Variants in EPB41L2 observed in about 807,000 individuals in gnomAD.
The protein encoded by EPB41L2 is band 4.1-like protein 2.
In EPB41L2, 43 loss-of-function variants were observed where a neutral mutation model predicts 113.0. The observed-to-expected ratio is 0.38, with a 90% CI of 0.30 to 0.49. The LOEUF is 0.49. Ranked by LOEUF, EPB41L2 falls within the 20% of genes least tolerant of loss-of-function variation. The pLI, the probability that EPB41L2 is intolerant of heterozygous loss-of-function variation, is 0.95. For synonymous variants in EPB41L2, 442 were observed against 436.7 expected, an observed-to-expected ratio of 1.01 and a Z score of -0.15; for missense variants, 1,147 against 1,223.4, an observed-to-expected ratio of 0.94 and a Z score of 0.93.
At chr6:130,974,712 C>CTTTTTTT (rs965804095) in intron 1 of EPB41L2, among the ~76,000 whole-genome samples, 3 of 70,110 alleles carry the variant, frequency 4.3e-5, no homozygotes, top group East Asian at 3.5e-4. Flanking sequence ...TTTTTCTTTT[C>CTTTTTTT]TTTTCTTTTT....
At chr6:131,023,723 GTGTGTGTA>G (rs1303724914) in intron 1 of EPB41L2, among the ~76,000 whole-genome samples, 8 of 131,198 alleles carry the variant, frequency 6.1e-5, no homozygotes, top group Non-Finnish European at 1.1e-4. Flanking sequence ...GCGTGTGTGT[GTGTGTGTA>G]TATATATCTA....
chr6:130,903,636 A>G (rs2128501118), intron 6 of EPB41L2, among the ~76,000 whole-genome samples: 1 of 152,036 alleles, frequency 6.6e-6, no homozygotes, highest in South Asian at 2.1e-4. Flanking sequence ...TTGACCATGT[A>G]AGTAACCTTT....
At chr6:130,892,403 C>CTTTTTTTTTTTTTTTT (rs60350565) in intron 10 of EPB41L2, among the ~76,000 whole-genome samples, 4,395 of 91,358 alleles carry the variant, frequency 0.048, 559 homozygotes, top group Non-Finnish European at 0.079. Flanking sequence ...CAGATTATTG[C>CTTTTTTTTTTTTTTTT]TTTTTTTTTT....
chr6:130,872,455 G>A (rs1362129345), intron 14 of EPB41L2: 2 of 1,289,338 alleles, frequency 1.6e-6, no homozygotes, highest in Admixed American at 4.6e-5. Flanking sequence ...CTGTCCAAGT[G>A]GTGGCTGAAG....
chr6:131,030,882 G>T (rs1792013443), intron 1 of EPB41L2, among the ~76,000 whole-genome samples: 1 of 150,594 alleles, frequency 6.6e-6, no homozygotes, highest in Non-Finnish European at 1.5e-5. Flanking sequence ...TCGAGGACCA[G>T]CCCGAGCAAC....
At chr6:130,894,880 A>G in intron 9 of EPB41L2, 87 bp downstream of exon 9, 2 of 1,335,562 alleles carry the variant, frequency 1.5e-6, no homozygotes, top group South Asian at 1.7e-5. Flanking sequence ...TTTTCTTAAA[A>G]TTTTAGAATT....
intron 3 of EPB41L2, among the ~76,000 whole-genome samples, chr6:130,945,145 C>T (rs1241799231): frequency 6.6e-6 from 1 of 151,992 alleles, no homozygotes; most frequent in African/African-American, 2.4e-5. Flanking sequence ...TTATAGAGTG[C>T]CATAACTTCC....
At chr6:130,862,948 T>C (rs1202715143) in intron 18 of EPB41L2, among the ~76,000 whole-genome samples, 2 of 152,220 alleles carry the variant, frequency 1.3e-5, no homozygotes, top group African/African-American at 2.4e-5. Flanking sequence ...TGGTCTCCTT[T>C]AAAGCTGAGT....
intron 3 of EPB41L2, among the ~76,000 whole-genome samples, chr6:130,953,886 G>A (rs1325841966): frequency 4.6e-5 from 7 of 151,924 alleles, no homozygotes; most frequent in Non-Finnish European, 7.4e-5. Flanking sequence ...AAATTTTCTG[G>A]TGCCTTGATC....
chr6:131,028,510 T>C (rs1376138321), intron 1 of EPB41L2, among the ~76,000 whole-genome samples: 1 of 152,222 alleles, frequency 6.6e-6, no homozygotes, highest in Non-Finnish European at 1.5e-5. Context: ...ATTACATATA[T>C]GATAAATCAT....
chr6:130,921,999 T>C (rs1803024461), intron 4 of EPB41L2, among the ~76,000 whole-genome samples: 1 of 152,362 alleles, frequency 6.6e-6, no homozygotes, highest in South Asian at 2.1e-4. Context: ...AATGGCACTA[T>C]TTTTTAACTG....
intron 1 of EPB41L2, among the ~76,000 whole-genome samples, chr6:131,042,095 T>C (rs959513837): frequency 2.0e-5 from 3 of 151,946 alleles, no homozygotes; most frequent in Non-Finnish European, 4.4e-5. Context: ...CATATGGGAG[T>C]AATTAGTTGG....
intron 10 of EPB41L2, among the ~76,000 whole-genome samples, chr6:130,890,779 T>C (rs1792577329): frequency 6.6e-6 from 1 of 152,100 alleles, no homozygotes; most frequent in South Asian, 2.1e-4. Flanking sequence ...TATAAACACA[T>C]GTCTGAATTT....
At chr6:131,057,024 TA>T (rs1163104914) in intron 1 of EPB41L2, among the ~76,000 whole-genome samples, 3 of 151,768 alleles carry the variant, frequency 2.0e-5, no homozygotes, top group Non-Finnish European at 4.4e-5. Flanking sequence ...CAATGGGAGA[TA>T]GGGGAGAATA....
At chr6:131,057,829 C>T (rs1797883672) in intron 1 of EPB41L2, among the ~76,000 whole-genome samples, 1 of 152,194 alleles carries the variant, frequency 6.6e-6, no homozygotes, top group Admixed American at 6.5e-5. Context: ...ATGAACTACC[C>T]TACCTGACCT....
chr6:130,987,899 G>A (rs1260335767), intron 1 of EPB41L2, among the ~76,000 whole-genome samples: 1 of 151,266 alleles, frequency 6.6e-6, no homozygotes, highest in African/African-American at 2.4e-5. Flanking sequence ...GACTGCTTGA[G>A]CCCAGGGGTT....
chr6:131,016,416 C>T (rs1788207406), intron 1 of EPB41L2, among the ~76,000 whole-genome samples: 1 of 151,226 alleles, frequency 6.6e-6, no homozygotes, highest in African/African-American at 2.4e-5. Context: ...TTCAGGTATT[C>T]GCTTCTGGAA....
chr6:130,899,116 TTCTCTCCTCTCCCAAG>T (rs1171461983), intron 8 of EPB41L2, among the ~76,000 whole-genome samples: 17 of 152,178 alleles, frequency 1.1e-4, no homozygotes, highest in African/African-American at 4.1e-4. Context: ...TGCTAAGGTC[TTCTCTCCTCTCCCAAG>T]ACAGAGGTGG....
intron 1 of EPB41L2, among the ~76,000 whole-genome samples, chr6:131,059,360 C>A (rs937130525): frequency 1.3e-5 from 2 of 152,154 alleles, no homozygotes; most frequent in Non-Finnish European, 2.9e-5. Flanking sequence ...ATGATCCACC[C>A]GCCTCAGCCT....
Sources: allele counts gnomAD v4.1 joint callset (sites outside exome capture counted in the v4.1 genomes callset), GRCh38; gene constraint gnomAD v4.1.1; transcripts MANE v1.5; gene names NCBI Gene and HGNC (gene_info 2026-07-23, HGNC 2026-07-21).